Variants in FLVCR2 observed in about 807,000 individuals in gnomAD.
FLVCR2 encodes FLVCR choline and putative heme transporter 2.
In FLVCR2, 38 loss-of-function variants were observed where a neutral mutation model predicts 48.9. That is an observed-to-expected ratio of 0.78 (90% CI 0.60 to 1.02). The LOEUF (loss-of-function observed/expected upper bound fraction) is 1.02. FLVCR2 is among the 50% of genes least tolerant of loss of function. The pLI, the probability that FLVCR2 is intolerant of heterozygous loss-of-function variation, is 0.00. For missense variants in FLVCR2, 664 were observed against 663.3 expected (o/e 1.00, Z -0.01); for synonymous variants, 255 against 257.0 (o/e 0.99, Z 0.07).
intron 9 of FLVCR2, 144 bp from the exon 10 acceptor site, chr14:75,646,257 G>A (rs1890418705): frequency 3.0e-6 from 2 of 666,758 alleles, no homozygotes; most frequent in Non-Finnish European, 5.5e-6. Flanking sequence ...TTCTTTTCTT[G>A]TTCTCTTTCT....
In FLVCR2 at chr14:75,616,469, C is replaced by T. The variant is rs142219987; in HGVS notation, c.670-5610C>T. On this transcript the variant is annotated intron_variant, in intron 1 of 9. Coordinates refer to ENST00000238667, the MANE Select transcript of FLVCR2 (RefSeq NM_017791.3). ...TCTGGTGCAAAGAAAGCAGCTGGCT[C>T]AATAAAGGGATACATACATATATAT... 2.0e-3 allele frequency among the ~76,000 whole-genome samples: 304 copies of T among 152,224 alleles called. 1 individual carries two copies. Among genetic ancestry groups the T allele is most frequent in the African/African-American group, 7.0e-3 (289 of 41,538 alleles).
At chr14:75,638,004 G>C (rs1338971069) in intron 5 of FLVCR2, among the ~76,000 whole-genome samples, 8 of 152,162 alleles carry the variant, frequency 5.3e-5, no homozygotes, top group Non-Finnish European at 1.2e-4. Flanking sequence ...ATCGACACAG[G>C]GAAATGTAAC....
chr14:75,589,961 T>G lies in FLVCR2; in HGVS notation c.669+10320T>G, dbSNP rs561019727. Among the ~76,000 whole-genome samples, 924 of 152,306 alleles carry G rather than the reference T, an allele frequency of 6.1e-3. 9 individuals carry two copies. Among genetic ancestry groups the G allele is most frequent in the Non-Finnish European group, 9.2e-3 (629 of 68,026 alleles). On this transcript the variant is annotated intron_variant, in intron 1 of 9. Transcript: ENST00000238667. ...GTGACTATCTGGAAACCTTGCTGTC[T>G]TAGTCGATTTTGTGTTGCCATAATA...
chr14:75,605,531 T>C (rs1889268588), intron 1 of FLVCR2: 3 of 1,534,612 alleles, frequency 2.0e-6, no homozygotes, highest in Non-Finnish European at 2.6e-6. Flanking sequence ...GAGCTCAGCC[T>C]CTCACCCCAA....
intron 3 of FLVCR2, chr14:75,632,530 G>T (rs1890071322): frequency 1.5e-6 from 1 of 672,248 alleles, no homozygotes; most frequent in African/African-American, 1.8e-5. Context: ...CAGGGTGGTT[G>T]CCATACCCAC....
chr14:75,641,965 A>G lies in FLVCR2; in HGVS notation c.1509+67A>G. On this transcript the variant is annotated intron_variant, in intron 9 of 9. Coordinates refer to ENST00000238667, the MANE Select transcript of FLVCR2 (RefSeq NM_017791.3). ...AGGCTTTTGATGAGGATGTGGCAACATAGATGGGGCAGGGAGAACTCCCAC... is the reference window on the plus strand; with the variant it reads ...AGGCTTTTGATGAGGATGTGGCAACGTAGATGGGGCAGGGAGAACTCCCAC... The G allele has an allele frequency of 2.8e-6, 4 of 1,413,094 alleles. No homozygotes were observed. In the Admixed American group the frequency reaches 6.7e-5, roughly 24 times the overall value. 87.5% of individuals were successfully genotyped at this position (1,413,094 alleles called of 1,614,324 possible). A position where few individuals can be genotyped will look rare whatever the true frequency, so the allele number is the denominator to read the frequency against.
intron 1 of FLVCR2, among the ~76,000 whole-genome samples, chr14:75,618,938 G>A (rs531560264): frequency 3.3e-5 from 5 of 151,080 alleles, no homozygotes; most frequent in Admixed American, 2.0e-4. Flanking sequence ...AGTTATTGGC[G>A]ATAGGCTGGG....
intron 1 of FLVCR2, among the ~76,000 whole-genome samples, chr14:75,596,402 G>A (rs1889022365): frequency 6.6e-6 from 1 of 152,148 alleles, no homozygotes; most frequent in African/African-American, 2.4e-5. Context: ...TATAAATGCT[G>A]AAGCAGGCCT....
chr14:75,647,210 A>G lies in FLVCR2; in HGVS notation c.*738A>G, dbSNP rs1456624791. The G allele has an allele frequency of 1.3e-5, 2 of 152,428 alleles. No homozygotes were observed. Among genetic ancestry groups the G allele is most frequent in the Non-Finnish European group, 2.9e-5 (2 of 68,208 alleles). 9.4% of individuals were successfully genotyped at this position (152,428 alleles called of 1,614,324 possible). A position where few individuals can be genotyped will look rare whatever the true frequency, so the allele number is the denominator to read the frequency against. Reference sequence around the variant, plus strand: ...CTTCTGAGTATATTTGTGAAAGCACATATTTGGGAACTCTGGTAGCTTGAG... The same window carrying G: ...CTTCTGAGTATATTTGTGAAAGCACGTATTTGGGAACTCTGGTAGCTTGAG... On this transcript the variant is annotated 3_prime_UTR_variant, in exon 10 of 10. Coordinates refer to ENST00000238667, the MANE Select transcript of FLVCR2 (RefSeq NM_017791.3).
In FLVCR2 at chr14:75,622,204, C is replaced by T. The variant is rs1193525534; in HGVS notation, c.795C>T (p.Leu265=). The change falls in exon 2 of 10, where the codon CTC becomes CTT. Residue 265 remains leucine (L), a synonymous_variant. Coordinates refer to ENST00000238667, the MANE Select transcript of FLVCR2 (RefSeq NM_017791.3). ...TAGGAGGTGTGGCCACTCTCCTCCT[C>T]ATCCTTGTCATCATTGGTAAGGTCA... The part of the protein sequence containing the change: ...YIIGGVATLL[L]ILVIIVFKEK... The T allele has an allele frequency of 3.1e-6, 5 of 1,613,862 alleles. No individual in the cohort carries two copies. Among genetic ancestry groups the T allele is most frequent in the South Asian group, 2.2e-5 (2 of 91,078 alleles).
rs774624386 is a variant in FLVCR2 at position 75,647,852 on chromosome 14, C to G, written c.*1380C>G. 3 of 152,840 alleles carry G rather than the reference C, an allele frequency of 2.0e-5. No homozygotes were observed. Among genetic ancestry groups the G allele is most frequent in the Non-Finnish European group, 2.9e-5 (2 of 68,228 alleles). The allele number at this position is 152,840 out of a possible 1,614,324, so 9.5% of individuals were successfully genotyped here. A position where few individuals can be genotyped will look rare whatever the true frequency, so the allele number is the denominator to read the frequency against. On this transcript the variant is annotated 3_prime_UTR_variant, in exon 10 of 10. Coordinates refer to ENST00000238667, the MANE Select transcript of FLVCR2 (RefSeq NM_017791.3). The stretch of plus-strand genomic sequence containing the variant: ...CAATACTGTGGTGCTTGGGCCACTG[C>G]CTGAGAGGAGCCAGGTTTGTGTGTG...
At position 75,599,326 on chromosome 14, in the gene FLVCR2, A is replaced by ACC. The variant is rs397966103; in HGVS notation, c.669+19693_669+19694dup. Among the ~76,000 whole-genome samples the ACC allele has an allele frequency of 6.3e-3, 938 of 148,156 alleles. 4 individuals carry two copies. Among genetic ancestry groups the ACC allele is most frequent in the African/African-American group, 0.018 (743 of 40,298 alleles). ...TTTTTATACACTGACAATGTACAAC[A>ACC]CCCCCCCCCAAAAAATTAAGAAACA... On this transcript the variant is annotated intron_variant, in intron 1 of 9. Coordinates refer to ENST00000238667, the MANE Select transcript of FLVCR2 (RefSeq NM_017791.3).
chr14:75,599,372 A>C (rs1889107192), intron 1 of FLVCR2, among the ~76,000 whole-genome samples: 1 of 151,078 alleles, frequency 6.6e-6, no homozygotes, highest in Non-Finnish European at 1.5e-5. Flanking sequence ...TAATAGCATT[A>C]AAAAATAAAA....
intron 1 of FLVCR2, among the ~76,000 whole-genome samples, chr14:75,617,863 CT>C (rs1218436933): frequency 6.6e-6 from 1 of 152,220 alleles, no homozygotes; most frequent in Non-Finnish European, 1.5e-5. Flanking sequence ...TTAGAGCAAC[CT>C]TCCTGAGGAA....
chr14:75,584,085 G>A (rs1888677632), intron 1 of FLVCR2, among the ~76,000 whole-genome samples: 1 of 152,148 alleles, frequency 6.6e-6, no homozygotes, highest in African/African-American at 2.4e-5. Context: ...GGCTTAGGAG[G>A]AATCCCGGGC....
At chr14:75,595,745 G>C (rs902202439) in intron 1 of FLVCR2, 8 of 649,516 alleles carry the variant, frequency 1.2e-5, no homozygotes, top group Non-Finnish European at 2.2e-5. Context: ...AAAGTGTTTA[G>C]TTTATTAATA....
intron 1 of FLVCR2, among the ~76,000 whole-genome samples, chr14:75,596,790 C>G (rs1033157529): frequency 8.0e-5 from 10 of 124,658 alleles, no homozygotes; most frequent in Non-Finnish European, 3.4e-5. Context: ...GCCCCCCCCC[C>G]CCGCCCCCAC....
At chr14:75,600,886 A>G (rs972803306) in intron 1 of FLVCR2, among the ~76,000 whole-genome samples, 1 of 151,860 alleles carries the variant, frequency 6.6e-6, no homozygotes, top group African/African-American at 2.4e-5. Context: ...CAAAAAAAAA[A>G]ACAAACAAAC....
chr14:75,620,235 T>C (rs1237815259), intron 1 of FLVCR2, among the ~76,000 whole-genome samples: 1 of 152,206 alleles, frequency 6.6e-6, no homozygotes, highest in East Asian at 1.9e-4. Flanking sequence ...AGCCTGACTC[T>C]GACAAACCAG....
Sources: allele counts gnomAD v4.1 joint callset (sites outside exome capture counted in the v4.1 genomes callset), GRCh38; gene constraint gnomAD v4.1.1; transcripts MANE v1.5; gene names NCBI Gene and HGNC (gene_info 2026-07-23, HGNC 2026-07-21).